The following KCNQ1 variants were observed in gnomAD, a reference collection of about 807,000 sequenced individuals.
KCNQ1 encodes potassium voltage-gated channel subfamily Q member 1, also known as potassium voltage-gated channel subfamily KQT member 1.
Under a neutral mutation model 72.4 loss-of-function variants are expected in KCNQ1, and 49 were observed. The observed-to-expected ratio is 0.68, with a 90% CI of 0.54 to 0.86. KCNQ1 has a LOEUF of 0.86. Among genes scored for constraint, KCNQ1 ranks in the 40% least tolerant of loss-of-function variants. KCNQ1 has a pLI of 0.00. For missense variants in KCNQ1, 790 were observed against 945.1 expected, an observed-to-expected ratio of 0.84 and a Z score of 2.15; for synonymous variants, 450 against 412.6, an observed-to-expected ratio of 1.09 and a Z score of -1.10.
intron 15 of KCNQ1, among the ~76,000 whole-genome samples, chr11:2,791,651 G>A (rs890187192): frequency 6.6e-6 from 1 of 151,948 alleles, no homozygotes; most frequent in African/African-American, 2.4e-5. Context: ...GGCCCTCCCC[G>A]TCAGGTGTGG....
rs918405687 is a variant in KCNQ1 at position 2,471,992 on chromosome 11, A to G, written c.386+26508A>G. ...TGGGTGTGTGTGCACCTATGTGTAT[A>G]AGTGTGTGTGCACATGTGTATAGGT... is the stretch of plus-strand genomic sequence containing the variant. On this transcript the variant is annotated intron_variant, in intron 1 of 15. Transcript: ENST00000155840. The surrounding 1 kb of genome is among the most constrained non-coding windows in gnomAD (Gnocchi z 4.8). 3.4e-5 allele frequency among the ~76,000 whole-genome samples: 5 copies of G among 146,794 alleles called. No homozygotes were observed. Among genetic ancestry groups the G allele is most frequent in the African/African-American group, 1.3e-4 (5 of 39,276 alleles).
chr11:2,835,948 C>T (rs946495001), intron 15 of KCNQ1, among the ~76,000 whole-genome samples: 1 of 151,958 alleles, frequency 6.6e-6, no homozygotes, highest in Admixed American at 6.5e-5. Context: ...GGTGATCGGG[C>T]CCGGTCAGTG....
rs2133832018 is a variant in KCNQ1, at chr11:2,642,971, T to C, written c.1394-18990T>C. The C allele has an allele frequency of 5.0e-6, 2 of 397,972 alleles. No homozygotes were observed. The highest frequency in any genetic ancestry group is 4.4e-5 in the Admixed American group (1 of 22,732). The allele number at this position is 397,972 out of a possible 1,614,324, so 24.7% of individuals were successfully genotyped here. On this transcript the variant is annotated intron_variant, in intron 10 of 15. Transcript: ENST00000155840. The surrounding 1 kb of genome is among the most constrained non-coding windows in gnomAD (Gnocchi z 4.3). ...TTCCATTTATTTATACAGTTTTGAATGCTCCTCTTATTTATTTATAGTTTT... is the reference window on the plus strand; with the variant it reads ...TTCCATTTATTTATACAGTTTTGAACGCTCCTCTTATTTATTTATAGTTTT...
rs545515199 is a variant in KCNQ1, at chr11:2,481,011, T to C, written c.386+35527T>C. Among the ~76,000 whole-genome samples, 113 of 152,300 alleles carry C rather than the reference T, an allele frequency of 7.4e-4. No individual in the cohort carries two copies. The highest frequency in any genetic ancestry group is 2.5e-3 in the African/African-American group (104 of 41,564). Reference sequence around the variant, plus strand: ...CCTTCTGCTATTCTTGCAACTTCTCTATAAGTTTGAAATGAAATCATATAA... The same window carrying C: ...CCTTCTGCTATTCTTGCAACTTCTCCATAAGTTTGAAATGAAATCATATAA... On this transcript the variant is annotated intron_variant, in intron 1 of 15. Coordinates refer to ENST00000155840, the MANE Select transcript of KCNQ1 (RefSeq NM_000218.3). The surrounding 1 kb of genome is among the most constrained non-coding windows in gnomAD (Gnocchi z 4.6).
chr11:2,470,708 G>GT (rs1275737552), intron 1 of KCNQ1, among the ~76,000 whole-genome samples: 10 of 137,744 alleles, frequency 7.3e-5, no homozygotes, highest in Non-Finnish European at 1.1e-4. Flanking sequence ...GTTAGGTGGG[G>GT]GGGGGGGTGC....
In KCNQ1 at chr11:2,698,128, C is replaced by A; in HGVS notation, c.1514+36047C>A. ...ATCAGGCTCTTGGCTGGGTACAGAGCAGGCAGCAGAAAACAAAACAGAGTT... is the reference window on the plus strand; with the variant it reads ...ATCAGGCTCTTGGCTGGGTACAGAGAAGGCAGCAGAAAACAAAACAGAGTT... On this transcript the variant is annotated intron_variant, in intron 11 of 15. Coordinates refer to ENST00000155840, the MANE Select transcript of KCNQ1 (RefSeq NM_000218.3). This position sits in a 1 kb window ranked among gnomAD's most constrained non-coding sequence, Gnocchi z 5.1. The A allele has an allele frequency of 2.5e-6, 1 of 398,634 alleles. No individual in the cohort carries two copies. Among genetic ancestry groups the A allele is most frequent in the Non-Finnish European group, 4.4e-6 (1 of 226,070 alleles). 24.7% of individuals were successfully genotyped at this position (398,634 alleles called of 1,614,324 possible). A position where few individuals can be genotyped will look rare whatever the true frequency, so the allele number is the denominator to read the frequency against.
In KCNQ1 at chr11:2,691,119, G is replaced by A; in HGVS notation, c.1514+29038G>A. 2 of 398,704 alleles carry A rather than the reference G, an allele frequency of 5.0e-6. No homozygotes were observed. The highest frequency in any genetic ancestry group is 8.8e-6 in the Non-Finnish European group (2 of 226,112). The allele number at this position is 398,704 out of a possible 1,614,324, so 24.7% of individuals were successfully genotyped here. ...CCTGACAACAGTAGGGGTGGAGGCT[G>A]TGCAGACCTGGTGCAGAGTCTGTGC... is the stretch of plus-strand genomic sequence containing the variant. On this transcript the variant is annotated intron_variant, in intron 11 of 15. Coordinates refer to ENST00000155840, the MANE Select transcript of KCNQ1 (RefSeq NM_000218.3). This position sits in a 1 kb window ranked among gnomAD's most constrained non-coding sequence, Gnocchi z 6.4.
At position 2,579,398 on chromosome 11, in the gene KCNQ1, CTT is replaced by C. The variant is rs973710320; in HGVS notation, c.922-4035_922-4034del. 1.3e-5 allele frequency among the ~76,000 whole-genome samples: 2 copies of C among 152,182 alleles called. No homozygotes were observed. The highest frequency in any genetic ancestry group is 2.9e-5 in the Non-Finnish European group (2 of 68,012). On this transcript the variant is annotated intron_variant, in intron 6 of 15. Transcript: ENST00000155840. This position sits in a 1 kb window ranked among gnomAD's most constrained non-coding sequence, Gnocchi z 6.0. ...CCCACAGTTCCTGCCATGGGCGTGA[CTT>C]TGTGTGCCTCATATGGCTGGTGCCC...
Position 2,690,653 on chromosome 11 carries a change from A to G in KCNQ1, c.1514+28572A>G. On this transcript the variant is annotated intron_variant, in intron 11 of 15. Transcript: ENST00000155840. This position sits in a 1 kb window ranked among gnomAD's most constrained non-coding sequence, Gnocchi z 5.1. ...TGTCAGAATGCGTATTTGTCAGTGT[A>G]TGTGTGTCAGTGCACATAGGTATAG... 2 of 398,660 alleles carry G rather than the reference A, an allele frequency of 5.0e-6. No individual in the cohort carries two copies. The highest frequency in any genetic ancestry group is 3.6e-5 in the East Asian group (1 of 28,080). 24.7% of individuals were successfully genotyped at this position (398,660 alleles called of 1,614,324 possible).
chr11:2,769,017 G>C lies in KCNQ1; in HGVS notation c.1590+98G>C. The C allele has an allele frequency of 9.6e-7, 1 of 1,037,312 alleles. No homozygotes were observed. 64.3% of individuals were successfully genotyped at this position (1,037,312 alleles called of 1,614,324 possible). A position where few individuals can be genotyped will look rare whatever the true frequency, so the allele number is the denominator to read the frequency against. On this transcript the variant is annotated intron_variant, in intron 12 of 15. Coordinates refer to ENST00000155840, the MANE Select transcript of KCNQ1 (RefSeq NM_000218.3). This position sits in a 1 kb window ranked among gnomAD's most constrained non-coding sequence, Gnocchi z 4.6. ...TGGGTTCTCTCCTGCCCATAGTGGA[G>C]GGTGTCAAGGCCTCCGCCCCCAAGC...
At chr11:2,699,407 T>A (rs1850734468) in intron 11 of KCNQ1, 1 of 402,802 alleles carries the variant, frequency 2.5e-6, no homozygotes, top group Non-Finnish European at 4.4e-6. Flanking sequence ...CCCAGAGAGA[T>A]GGGGAGGGCC....
chr11:2,610,847 A>AG, intron 10 of KCNQ1: 1 of 392,998 alleles, frequency 2.5e-6, no homozygotes, highest in East Asian at 3.6e-5. Flanking sequence ...AGAACAGGGG[A>AG]GGGTATTAAG....
rs931370622 is a variant in KCNQ1 at position 2,762,997 on chromosome 11, C to T, written c.1515-5847C>T. 2.6e-5 allele frequency among the ~76,000 whole-genome samples: 4 copies of T among 152,172 alleles called. No homozygotes were observed. The highest frequency in any genetic ancestry group is 4.8e-5 in the African/African-American group (2 of 41,430). On this transcript the variant is annotated intron_variant, in intron 11 of 15. Transcript: ENST00000155840. This position sits in a 1 kb window ranked among gnomAD's most constrained non-coding sequence, Gnocchi z 4.3. ...CTCTGACTTTGTTGTTCTTCAAGAT[C>T]GTCTTGGCTATTCTTGGCCCTTCAC...
At chr11:2,722,064 G>A (rs1420193778) in intron 11 of KCNQ1, among the ~76,000 whole-genome samples, 2 of 152,126 alleles carry the variant, frequency 1.3e-5, no homozygotes, top group African/African-American at 2.4e-5. Flanking sequence ...CCATGGGGTC[G>A]CAGGGCCCAC....
rs982061336 is a variant in KCNQ1 at position 2,766,837 on chromosome 11, G to C, written c.1515-2007G>C. On this transcript the variant is annotated intron_variant, in intron 11 of 15. Transcript: ENST00000155840. This position sits in a 1 kb window ranked among gnomAD's most constrained non-coding sequence, Gnocchi z 4.4. Reference sequence around the variant, plus strand: ...TTTCTTAGTCCTTATTTCTGTATCAGTTACCTATTGTTGCGTAGCAAACTA... The same window carrying C: ...TTTCTTAGTCCTTATTTCTGTATCACTTACCTATTGTTGCGTAGCAAACTA... Among the ~76,000 whole-genome samples the C allele has an allele frequency of 1.3e-5, 2 of 152,166 alleles. No homozygotes were observed. The highest frequency in any genetic ancestry group is 2.9e-5 in the Non-Finnish European group (2 of 68,028).
At position 2,725,038 on chromosome 11, in the gene KCNQ1, A is replaced by G. The variant is rs547334803; in HGVS notation, c.1515-43806A>G. Among the ~76,000 whole-genome samples the G allele has an allele frequency of 2.0e-5, 3 of 152,312 alleles. No individual in the cohort carries two copies. The highest frequency in any genetic ancestry group is 2.1e-4 in the South Asian group (1 of 4,828). Reference sequence around the variant, plus strand: ...CGTTTAAGAAAAGCCTGTGGGCCCAATAGAGAAGCACAGGGTCTGAGAAGC... The same window carrying G: ...CGTTTAAGAAAAGCCTGTGGGCCCAGTAGAGAAGCACAGGGTCTGAGAAGC... On this transcript the variant is annotated intron_variant, in intron 11 of 15. Coordinates refer to ENST00000155840, the MANE Select transcript of KCNQ1 (RefSeq NM_000218.3). This position sits in a 1 kb window ranked among gnomAD's most constrained non-coding sequence, Gnocchi z 7.2.
Position 2,771,997 on chromosome 11 carries a change from ACCTGGCAACAGCAGGAT to A in KCNQ1, c.1590+3082_1590+3098del, listed in dbSNP as rs1189960268. Among the ~76,000 whole-genome samples, 4 of 152,116 alleles carry A rather than the reference ACCTGGCAACAGCAGGAT, an allele frequency of 2.6e-5. No individual in the cohort carries two copies. In the East Asian group the frequency reaches 7.7e-4, roughly 29 times the overall value. On this transcript the variant is annotated intron_variant, in intron 12 of 15. Transcript: ENST00000155840. ...CCCTGGCCCTGGGAGCCTTGCAGAAACCTGGCAACAGCAGGATCCTCGCAGGGCACAGAGGCTCCTGC... is the reference window on the plus strand; with the variant it reads ...CCCTGGCCCTGGGAGCCTTGCAGAAACCTCGCAGGGCACAGAGGCTCCTGC...
intron 11 of KCNQ1, chr11:2,693,300 G>GCA (rs1191140166): frequency 4.5e-5 from 18 of 398,630 alleles, no homozygotes; most frequent in Admixed American, 8.8e-5. Flanking sequence ...ACTGCTCTTA[G>GCA]CACCCACAGG....
rs1402033768 is a variant in KCNQ1 at position 2,712,885 on chromosome 11, T to C, written c.1514+50804T>C. ...GAGGCAGCATGGGAAATGGAAGGACTGCAGCCCCCGCCTCCCTCCAAGGCA... is the reference window on the plus strand; with the variant it reads ...GAGGCAGCATGGGAAATGGAAGGACCGCAGCCCCCGCCTCCCTCCAAGGCA... On this transcript the variant is annotated intron_variant, in intron 11 of 15. Transcript: ENST00000155840. The surrounding 1 kb of genome is among the most constrained non-coding windows in gnomAD (Gnocchi z 6.4). Among the ~76,000 whole-genome samples the C allele has an allele frequency of 6.6e-6, 1 of 152,106 alleles. No individual in the cohort carries two copies. Among genetic ancestry groups the C allele is most frequent in the African/African-American group, 2.4e-5 (1 of 41,400 alleles).
Sources: gnomAD v4.1 joint callset for allele counts (sites outside exome capture counted in the v4.1 genomes callset) on GRCh38, gnomAD v4.1.1 for gene constraint, Gnocchi (gnomAD v3.1) non-coding constraint, MANE v1.5 for transcripts, NCBI Gene and HGNC (gene_info 2026-07-23, HGNC 2026-07-21) for gene names.